NARS2: variants seen among roughly 807,000 people sequenced by gnomAD.
The protein encoded by NARS2 is asparaginyl-tRNA synthetase.
In NARS2, 60 loss-of-function variants were observed where a neutral mutation model predicts 62.9. The observed-to-expected ratio is 0.95, with a 90% CI of 0.77 to 1.18. The LOEUF (loss-of-function observed/expected upper bound fraction) is 1.18, where lower values mean the gene tolerates loss of function less well. Among genes scored for constraint, NARS2 ranks in the 50% most tolerant of loss-of-function variants. The pLI is 0.00. For missense variants in NARS2, 619 were observed against 576.4 expected, an observed-to-expected ratio of 1.07 and a Z score of -0.76; for synonymous variants, 196 against 200.0, an observed-to-expected ratio of 0.98 and a Z score of 0.17.
intron 4 of NARS2, among the ~76,000 whole-genome samples, chr11:78,563,600 A>AG (rs1856624759): frequency 1.3e-5 from 2 of 150,364 alleles, no homozygotes; most frequent in African/African-American, 4.9e-5. Context: ...TGGGAGGCTG[A>AG]GGTGGTTGGA....
intron 6 of NARS2, among the ~76,000 whole-genome samples, chr11:78,521,201 G>C (rs187363074): frequency 7.2e-6 from 1 of 139,442 alleles, no homozygotes; most frequent in East Asian, 2.1e-4. Flanking sequence ...GTTTCATTCT[G>C]TTGCCCAGGC....
intron 2 of NARS2, among the ~76,000 whole-genome samples, chr11:78,570,191 G>GA (rs201298741): frequency 3.4e-5 from 5 of 148,152 alleles, no homozygotes; most frequent in South Asian, 2.1e-4. Flanking sequence ...CTCTCTCCAG[G>GA]AAAAAAAAAA....
At chr11:78,473,704 T>G (rs1858970787) in intron 9 of NARS2, among the ~76,000 whole-genome samples, 1 of 152,230 alleles carries the variant, frequency 6.6e-6, no homozygotes, top group Non-Finnish European at 1.5e-5. Context: ...TCTCTATCCT[T>G]AAGCCCAGGC....
chr11:78,527,428 C>T (rs1245513250), intron 6 of NARS2, among the ~76,000 whole-genome samples: 1 of 152,168 alleles, frequency 6.6e-6, no homozygotes, highest in Non-Finnish European at 1.5e-5. Flanking sequence ...CCTATAATCT[C>T]ACCATGTTAT....
chr11:78,462,813 TCAAA>T (rs1014440296), intron 11 of NARS2, among the ~76,000 whole-genome samples: 4 of 152,124 alleles, frequency 2.6e-5, no homozygotes, highest in Non-Finnish European at 5.9e-5. Flanking sequence ...GGAAATACAG[TCAAA>T]CAGATAACCC....
chr11:78,484,680 T>C (rs1244355308), intron 7 of NARS2, among the ~76,000 whole-genome samples: 4 of 152,060 alleles, frequency 2.6e-5, no homozygotes, highest in African/African-American at 4.8e-5. Flanking sequence ...AAAACCACAA[T>C]GAGATACCAT....
chr11:78,493,105 T>A lies in NARS2; in HGVS notation c.780A>T (p.Glu260Asp), dbSNP rs1419995542. ...GGCTGTCAACAAAAGAAATCTCTGCTTCTATCATATAAAACTCTGCCAGGT... is the reference window on the plus strand; with the variant it reads ...GGCTGTCAACAAAAGAAATCTCTGCATCTATCATATAAAACTCTGCCAGGT... ...RRHLAEFYMI[E>D]AEISFVDSLQ... Residue 260 changes from glutamate (E) to aspartate (D), a missense_variant, in exon 7 of 14, where the codon GAA becomes GAT. Coordinates refer to ENST00000281038, the MANE Select transcript of NARS2 (RefSeq NM_024678.6). The A allele has an allele frequency of 6.2e-6, 10 of 1,613,872 alleles. No individual in the cohort carries two copies. Among genetic ancestry groups the A allele is most frequent in the Non-Finnish European group, 8.5e-6 (10 of 1,179,922 alleles).
At chr11:78,529,091 C>A (rs1293687715) in intron 5 of NARS2, among the ~76,000 whole-genome samples, 155 bp from the exon 6 acceptor site, 1 of 152,170 alleles carries the variant, frequency 6.6e-6, no homozygotes, top group East Asian at 1.9e-4. Context: ...ACATCTAAGA[C>A]AAAACGCCAG....
intron 12 of NARS2, among the ~76,000 whole-genome samples, chr11:78,441,642 C>G (rs1049004340): frequency 1.3e-5 from 2 of 150,936 alleles, no homozygotes; most frequent in Non-Finnish European, 2.9e-5. Flanking sequence ...ACCTAGGAGG[C>G]AGAAGTTGCA....
chr11:78,529,387 C>T (rs1320526106), intron 5 of NARS2, among the ~76,000 whole-genome samples: 2 of 152,132 alleles, frequency 1.3e-5, no homozygotes. Flanking sequence ...GCTTTTAACA[C>T]AGATTTTTAT....
chr11:78,450,919 T>C (rs937832197), intron 11 of NARS2, among the ~76,000 whole-genome samples: 1 of 152,126 alleles, frequency 6.6e-6, no homozygotes, highest in East Asian at 1.9e-4. Flanking sequence ...TGACCTCAAG[T>C]GATCTGCCCA....
chr11:78,525,179 A>G (rs1861252526), intron 6 of NARS2, among the ~76,000 whole-genome samples: 1 of 152,152 alleles, frequency 6.6e-6, no homozygotes, highest in Non-Finnish European at 1.5e-5. Context: ...GTTCTAGGGC[A>G]GCAAAAACTA....
intron 11 of NARS2, among the ~76,000 whole-genome samples, chr11:78,452,662 A>T (rs1858013927): frequency 6.6e-6 from 1 of 151,884 alleles, no homozygotes; most frequent in South Asian, 2.1e-4. Context: ...TCCTGCTTCT[A>T]CCTCCCAAAG....
rs531198048 is a variant in NARS2, at chr11:78,469,912, C to A, written c.960-599G>T. Among the ~76,000 whole-genome samples, 8 of 152,126 alleles carry A rather than the reference C, an allele frequency of 5.3e-5. No individual in the cohort carries two copies. In the South Asian group the frequency reaches 1.7e-3, roughly 32 times the overall value. On this transcript the variant is annotated intron_variant, in intron 9 of 13. Transcript: ENST00000281038. Reference sequence around the variant, plus strand: ...TTTTAGATATGATGGTCAAGAAAGGCCTAAGTTTGTGACATTTGAACAGAA... The same window carrying A: ...TTTTAGATATGATGGTCAAGAAAGGACTAAGTTTGTGACATTTGAACAGAA...
intron 5 of NARS2, among the ~76,000 whole-genome samples, chr11:78,549,743 G>T (rs892385990): frequency 6.6e-6 from 1 of 152,106 alleles, no homozygotes; most frequent in Admixed American, 6.6e-5. Context: ...TGTGGTCAGG[G>T]GAAAAGACAG....
chr11:78,556,542 T>A (rs868358989), intron 5 of NARS2, among the ~76,000 whole-genome samples: 4 of 152,350 alleles, frequency 2.6e-5, no homozygotes, highest in Middle Eastern at 3.4e-3. Context: ...CTTTAACCTT[T>A]ACAAGAAAAA....
chr11:78,509,375 T>C (rs539055678), intron 6 of NARS2, among the ~76,000 whole-genome samples: 29 of 152,204 alleles, frequency 1.9e-4, no homozygotes, highest in Middle Eastern at 6.8e-3. Context: ...AGGCATTAGC[T>C]TGAAGCTATA....
intron 5 of NARS2, 112 bp from the exon 6 acceptor site, chr11:78,529,048 G>T: frequency 1.4e-6 from 1 of 709,918 alleles, no homozygotes; most frequent in Non-Finnish European, 2.4e-6. Context: ...CTATGTGAAG[G>T]CAGGTTGTTC....
chr11:78,560,252 C>A (rs941103737), intron 4 of NARS2, among the ~76,000 whole-genome samples: 1 of 152,200 alleles, frequency 6.6e-6, no homozygotes, highest in African/African-American at 2.4e-5. Context: ...ATGGCACAGG[C>A]AGTGTACTTC....
Sources: gnomAD v4.1 joint callset for allele counts (sites outside exome capture counted in the v4.1 genomes callset) on GRCh38, gnomAD v4.1.1 for gene constraint, MANE v1.5 for transcripts, NCBI Gene and HGNC (gene_info 2026-07-23, HGNC 2026-07-21) for gene names.